Variants in NTNG1 observed in about 807,000 individuals in gnomAD.
NTNG1 encodes netrin G1.
In NTNG1, 16 loss-of-function variants were observed where a neutral mutation model predicts 54.0. The observed-to-expected ratio is 0.30, with a 90% CI of 0.20 to 0.45. NTNG1 has a LOEUF of 0.45. Among genes scored for constraint, NTNG1 ranks in the 20% least tolerant of loss-of-function variants. The probability of loss-of-function intolerance (pLI) is 1.00; values close to 1 mark genes in which losing one functional copy is unlikely to be tolerated. For synonymous variants in NTNG1, 255 were observed against 263.1 expected (o/e 0.97, Z 0.30); for missense variants, 530 against 678.7 (o/e 0.78, Z 2.43).
chr1:107,222,142 G>T (rs753431450), intron 2 of NTNG1, among the ~76,000 whole-genome samples: 1 of 151,728 alleles, frequency 6.6e-6, no homozygotes, highest in African/African-American at 2.4e-5. Context: ...CTTGTAGAAG[G>T]CTTTCTCTGA....
chr1:107,423,264 G>A (rs927984826), intron 5 of NTNG1, among the ~76,000 whole-genome samples: 2 of 152,024 alleles, frequency 1.3e-5, no homozygotes, highest in African/African-American at 4.8e-5. Flanking sequence ...ACTCAATGGG[G>A]ATGTGGGTGG....
chr1:107,167,297 A>G (rs1655871215), intron 2 of NTNG1, among the ~76,000 whole-genome samples: 1 of 151,870 alleles, frequency 6.6e-6, no homozygotes, highest in Non-Finnish European at 1.5e-5. Flanking sequence ...TTATTTTAGA[A>G]GAATCTATCT....
chr1:107,267,716 C>T (rs1663845278), intron 2 of NTNG1, among the ~76,000 whole-genome samples: 1 of 152,188 alleles, frequency 6.6e-6, no homozygotes, highest in Admixed American at 6.5e-5. Context: ...CAATTAGCCC[C>T]TGGCTGCCTT....
chr1:107,319,868 TA>T (rs1667556011), intron 2 of NTNG1, among the ~76,000 whole-genome samples: 2 of 149,476 alleles, frequency 1.3e-5, no homozygotes, highest in Admixed American at 6.7e-5. Flanking sequence ...CTGAGGTTTA[TA>T]TATATATATA....
At chr1:107,413,335 T>C (rs1673966384) in intron 5 of NTNG1, among the ~76,000 whole-genome samples, 1 of 151,844 alleles carries the variant, frequency 6.6e-6, no homozygotes, top group Non-Finnish European at 1.5e-5. Flanking sequence ...GCTAATTTTG[T>C]TTTTGGATTT....
chr1:107,410,196 G>A (rs1284048128), intron 5 of NTNG1: 1 of 152,020 alleles, frequency 6.6e-6, no homozygotes, highest in Non-Finnish European at 1.5e-5. Flanking sequence ...ATAGCTCAAG[G>A]AAAATAAATG....
At chr1:107,218,945 G>A (rs778107097) in intron 2 of NTNG1, among the ~76,000 whole-genome samples, 14 of 152,140 alleles carry the variant, frequency 9.2e-5, no homozygotes, top group Admixed American at 2.0e-4. Context: ...TTGGATGTCT[G>A]GGTCTCTAGG....
At chr1:107,314,757 T>C (rs1667235926) in intron 2 of NTNG1, among the ~76,000 whole-genome samples, 1 of 152,206 alleles carries the variant, frequency 6.6e-6, no homozygotes, top group Admixed American at 6.5e-5. Context: ...TTGAGAACAT[T>C]GACTGTTAAC....
chr1:107,430,488 A>G (rs1301755313), intron 5 of NTNG1, among the ~76,000 whole-genome samples: 1 of 152,194 alleles, frequency 6.6e-6, no homozygotes, highest in Non-Finnish European at 1.5e-5. Context: ...GTACACCTGC[A>G]AATGCTTCTG....
At chr1:107,336,302 A>G (rs1460046368) in intron 3 of NTNG1, among the ~76,000 whole-genome samples, 1 of 151,688 alleles carries the variant, frequency 6.6e-6, no homozygotes, top group Non-Finnish European at 1.5e-5. Flanking sequence ...CCCAAAATAA[A>G]CCCTCACATG....
intron 3 of NTNG1, among the ~76,000 whole-genome samples, chr1:107,354,127 C>T (rs1183407780): frequency 3.3e-5 from 5 of 152,000 alleles, no homozygotes; most frequent in Non-Finnish European, 5.9e-5. Flanking sequence ...TTTTTTTCTA[C>T]TTGGATAACT....
chr1:107,468,323 A>T (rs1677736391), intron 7 of NTNG1, among the ~76,000 whole-genome samples: 1 of 152,212 alleles, frequency 6.6e-6, no homozygotes, highest in African/African-American at 2.4e-5. Context: ...TTAGCTTTAC[A>T]AAGTGCTCAA....
At chr1:107,206,481 G>T (rs1398896580) in intron 2 of NTNG1, among the ~76,000 whole-genome samples, 1 of 152,088 alleles carries the variant, frequency 6.6e-6, no homozygotes, top group Non-Finnish European at 1.5e-5. Flanking sequence ...TAGCTAGACT[G>T]GGAGGTCTTT....
At chr1:107,416,347 T>C (rs12078289) in intron 5 of NTNG1, among the ~76,000 whole-genome samples, 66,482 of 151,564 alleles carry the variant, frequency 0.44, 14,781 homozygotes, top group Middle Eastern at 0.51. Flanking sequence ...CCTAGGCAAA[T>C]ACAAAGGCTT....
intron 2 of NTNG1, among the ~76,000 whole-genome samples, chr1:107,295,794 G>T (rs931501015): frequency 1.1e-4 from 16 of 152,160 alleles, no homozygotes; most frequent in Non-Finnish European, 1.5e-4. Context: ...AATGATGACA[G>T]AATCAAGAAT....
intron 7 of NTNG1, among the ~76,000 whole-genome samples, chr1:107,451,984 A>T (rs549467335): frequency 6.6e-6 from 1 of 152,218 alleles, no homozygotes; most frequent in African/African-American, 2.4e-5. Context: ...GCTGTCTCTT[A>T]TGTAGTGGTT....
chr1:107,419,992 T>C (rs930467959), intron 5 of NTNG1, among the ~76,000 whole-genome samples: 2 of 151,914 alleles, frequency 1.3e-5, no homozygotes, highest in African/African-American at 4.8e-5. Flanking sequence ...TCAGAAGAGG[T>C]TTAGTGGCTT....
At chr1:107,329,804 T>C (rs889534919) in intron 3 of NTNG1, among the ~76,000 whole-genome samples, 9 of 152,122 alleles carry the variant, frequency 5.9e-5, no homozygotes, top group African/African-American at 1.7e-4. Context: ...CTGGGACAGA[T>C]GCTGGCTTTG....
intron 3 of NTNG1, among the ~76,000 whole-genome samples, chr1:107,337,470 G>A (rs886841812): frequency 7.9e-5 from 12 of 151,938 alleles, no homozygotes; most frequent in African/African-American, 2.9e-4. Flanking sequence ...AGATGAAAAA[G>A]AAGATTCATT....
Sources: allele counts gnomAD v4.1 joint callset (sites outside exome capture counted in the v4.1 genomes callset), GRCh38; gene constraint gnomAD v4.1.1; transcripts MANE v1.5; gene names NCBI Gene and HGNC (gene_info 2026-07-23, HGNC 2026-07-21).